The following TSNARE1 variants were observed in gnomAD, a reference collection of about 807,000 sequenced individuals.
TSNARE1 encodes t-SNARE domain-containing protein 1.
In TSNARE1, 49 loss-of-function variants were observed where a neutral mutation model predicts 62.0. The ratio of observed to expected loss-of-function variants is 0.79; its 90% CI spans 0.63 to 1.00. TSNARE1 has a LOEUF of 1.00. TSNARE1 is among the 50% of genes least tolerant of loss of function. The pLI, the probability that TSNARE1 is intolerant of heterozygous loss-of-function variation, is 0.00. For missense variants in TSNARE1, 755 were observed against 700.1 expected, an observed-to-expected ratio of 1.08 and a Z score of -0.88; for synonymous variants, 328 against 294.4, an observed-to-expected ratio of 1.11 and a Z score of -1.17.
intron 1 of TSNARE1, among the ~76,000 whole-genome samples, chr8:142,371,446 G>A (rs2131037267): frequency 6.6e-6 from 1 of 152,294 alleles, no homozygotes; most frequent in East Asian, 1.9e-4. Context: ...CAGTGGTGAT[G>A]CACGACTGTA....
At chr8:142,282,679 C>A in intron 11 of TSNARE1, among the ~76,000 whole-genome samples, 1 of 149,718 alleles carries the variant, frequency 6.7e-6, no homozygotes, top group South Asian at 2.1e-4. Context: ...GGGCCACTGT[C>A]TGTCAATGAG....
At chr8:142,254,138 C>T (rs1471160812) in intron 12 of TSNARE1, among the ~76,000 whole-genome samples, 1 of 152,266 alleles carries the variant, frequency 6.6e-6, no homozygotes, top group East Asian at 1.9e-4. Context: ...CCCCGGGAGC[C>T]CGGCCGGCTG....
At chr8:142,341,803 C>T (rs946196716) in intron 4 of TSNARE1, among the ~76,000 whole-genome samples, 2 of 152,324 alleles carry the variant, frequency 1.3e-5, no homozygotes, top group South Asian at 2.1e-4. Context: ...TCCACCATCC[C>T]GTTAATTACC....
intron 6 of TSNARE1, among the ~76,000 whole-genome samples, chr8:142,330,412 G>A (rs1342541827): frequency 6.6e-6 from 1 of 152,214 alleles, no homozygotes; most frequent in Non-Finnish European, 1.5e-5. Context: ...TCCAGTGGGA[G>A]CCCGCCAAGG....
rs1313190383 is a variant in TSNARE1, at chr8:142,318,642, C to T, written c.894-8G>A. The T allele has an allele frequency of 1.2e-6, 2 of 1,613,134 alleles. No individual in the cohort carries two copies. Among genetic ancestry groups the T allele is most frequent in the Non-Finnish European group, 1.7e-6 (2 of 1,179,904 alleles). ...TCCTGCTGTGCCGTGTGCCTGGGGG[C>T]CGAGAAGGAGCCAGGAGCGAAGGCA... On this transcript the variant is annotated splice_polypyrimidine_tract_variant and splice_region_variant and intron_variant, in intron 6 of 13. Coordinates refer to ENST00000524325, the MANE Select transcript of TSNARE1 (RefSeq NM_145003.5).
At chr8:142,226,986 C>CAGGAA (rs1816820348) in intron 13 of TSNARE1, among the ~76,000 whole-genome samples, 1 of 124,540 alleles carries the variant, frequency 8.0e-6, no homozygotes, top group African/African-American at 4.7e-5. Context: ...ACAGCAAGGC[C>CAGGAA]CCCCACTGCA....
intron 4 of TSNARE1, among the ~76,000 whole-genome samples, chr8:142,339,712 C>A (rs1230191014): frequency 1.3e-5 from 2 of 152,268 alleles, no homozygotes; most frequent in Non-Finnish European, 2.9e-5. Flanking sequence ...TCCTGCCCAC[C>A]TGGACAACCA....
At chr8:142,350,241 G>A (rs889339836) in intron 2 of TSNARE1, among the ~76,000 whole-genome samples, 2 of 152,176 alleles carry the variant, frequency 1.3e-5, no homozygotes, top group African/African-American at 4.8e-5. Flanking sequence ...CTGGGACCAG[G>A]GCAGGCCGGC....
At chr8:142,228,304 G>T (rs1210507990) in intron 13 of TSNARE1, among the ~76,000 whole-genome samples, 3 of 152,222 alleles carry the variant, frequency 2.0e-5, no homozygotes, top group Admixed American at 1.3e-4. Flanking sequence ...GGATATACCT[G>T]CTTAACATGT....
intron 12 of TSNARE1, 51 bp from the exon 13 acceptor site, chr8:142,229,630 T>C (rs771165263): frequency 6.4e-7 from 1 of 1,557,036 alleles, no homozygotes; most frequent in African/African-American, 1.4e-5. Flanking sequence ...CAACCTCCCA[T>C]CCTCAGGGGC....
intron 1 of TSNARE1, among the ~76,000 whole-genome samples, chr8:142,365,144 A>G (rs1835438596): frequency 6.6e-6 from 1 of 152,236 alleles, no homozygotes; most frequent in South Asian, 2.1e-4. Flanking sequence ...GGGACAAGCC[A>G]GCACCACATA....
In TSNARE1 at chr8:142,278,439, G is replaced by A. The variant is rs79769190; in HGVS notation, c.1364-3576C>T. The A allele has an allele frequency of 3.2e-4, 316 of 985,462 alleles. 1 individual carries two copies. In the African/African-American group the frequency reaches 4.7e-3, roughly 15 times the overall value. The allele number at this position is 985,462 out of a possible 1,614,324, so 61.0% of individuals were successfully genotyped here. The stretch of plus-strand genomic sequence containing the variant: ...GAGCTGGTCCTGCTTCCGGGGCTTC[G>A]TTCCCAAAGTCCTTCCAGCAGCTCC... On this transcript the variant is annotated intron_variant, in intron 11 of 13. Transcript: ENST00000524325.
At chr8:142,233,640 C>T (rs966491563) in intron 12 of TSNARE1, among the ~76,000 whole-genome samples, 5 of 152,196 alleles carry the variant, frequency 3.3e-5, no homozygotes, top group Admixed American at 6.5e-5. Flanking sequence ...CACAAGCTCA[C>T]CTCCTCAGGA....
chr8:142,396,337 C>G (rs1054914634), intron 1 of TSNARE1, among the ~76,000 whole-genome samples: 1 of 152,146 alleles, frequency 6.6e-6, no homozygotes, highest in Admixed American at 6.5e-5. Flanking sequence ...CCTCTGGGGG[C>G]TCACACCACC....
At chr8:142,236,786 G>A (rs1405063321) in intron 12 of TSNARE1, among the ~76,000 whole-genome samples, 6 of 152,036 alleles carry the variant, frequency 3.9e-5, no homozygotes, top group South Asian at 2.1e-4. Context: ...TTAGTTAATC[G>A]GTGCATATTC....
intron 10 of TSNARE1, among the ~76,000 whole-genome samples, chr8:142,290,924 G>GCAGTGCAGTGCA (rs1298331299): frequency 6.6e-6 from 1 of 152,236 alleles, no homozygotes; most frequent in Non-Finnish European, 1.5e-5. Flanking sequence ...GCTTGGCGAG[G>GCAGTGCAGTGCA]GAAGCCCAGT....
chr8:142,378,118 C>T (rs537881336), intron 1 of TSNARE1, among the ~76,000 whole-genome samples: 9 of 152,260 alleles, frequency 5.9e-5, no homozygotes, highest in Admixed American at 1.3e-4. Flanking sequence ...CCCAAGACCC[C>T]GTACACCATG....
chr8:142,295,263 C>G (rs1416329744), intron 10 of TSNARE1, among the ~76,000 whole-genome samples: 1 of 152,234 alleles, frequency 6.6e-6, no homozygotes, highest in Admixed American at 6.5e-5. Context: ...AGTTCAAATT[C>G]CAGGGCTGCC....
intron 11 of TSNARE1, among the ~76,000 whole-genome samples, chr8:142,282,494 G>A (rs1357761040): frequency 1.3e-5 from 2 of 151,694 alleles, no homozygotes; most frequent in East Asian, 1.9e-4. Flanking sequence ...GAGCAAAGGC[G>A]GGGTCAGTGT....
Sources: allele counts gnomAD v4.1 joint callset (sites outside exome capture counted in the v4.1 genomes callset), GRCh38; gene constraint gnomAD v4.1.1; transcripts MANE v1.5; gene names NCBI Gene and HGNC (gene_info 2026-07-23, HGNC 2026-07-21).